The following EFCAB5 variants were observed in gnomAD, a reference collection of about 807,000 sequenced individuals.
EFCAB5 encodes EF-hand calcium-binding domain-containing protein 5.
EFCAB5 carries 131 observed loss-of-function variants against 167.9 expected under a neutral mutation model. The ratio of observed to expected loss-of-function variants is 0.78; its 90% CI spans 0.68 to 0.90. EFCAB5 has a LOEUF of 0.90. Among genes scored for constraint, EFCAB5 ranks in the 40% least tolerant of loss-of-function variants. EFCAB5 has a pLI of 0.00. For synonymous variants in EFCAB5, 574 were observed against 602.8 expected (o/e 0.95, Z 0.70); for missense variants, 1,663 against 1,745.2 (o/e 0.95, Z 0.84).
At chr17:30,057,384 C>T (rs1253114270) in intron 12 of EFCAB5, among the ~76,000 whole-genome samples, 3 of 152,334 alleles carry the variant, frequency 2.0e-5, no homozygotes, top group East Asian at 3.9e-4. Flanking sequence ...GAGGCTAACT[C>T]TCATTGGCCT....
intron 3 of EFCAB5, among the ~76,000 whole-genome samples, chr17:29,965,081 A>G (rs1281240264): frequency 6.7e-6 from 1 of 149,232 alleles, no homozygotes; most frequent in Non-Finnish European, 1.5e-5. Context: ...TTTTTTTTTT[A>G]ATTTACAGAG....
intron 7 of EFCAB5, among the ~76,000 whole-genome samples, chr17:30,030,335 T>TTGTC (rs932375132): frequency 6.6e-6 from 1 of 152,014 alleles, no homozygotes; most frequent in Non-Finnish European, 1.5e-5. Context: ...AGAAAAAGGT[T>TTGTC]TGTTTGTTTG....
At chr17:30,080,294 T>G (rs1431874191) in intron 16 of EFCAB5, 53 bp downstream of exon 16, 1 of 1,478,500 alleles carries the variant, frequency 6.8e-7, no homozygotes, top group African/African-American at 1.4e-5. Flanking sequence ...ATAATTCCCT[T>G]TCTGAGTAAA....
At chr17:30,005,720 C>T (rs1453483434) in intron 7 of EFCAB5, among the ~76,000 whole-genome samples, 1 of 152,126 alleles carries the variant, frequency 6.6e-6, no homozygotes, top group Non-Finnish European at 1.5e-5. Flanking sequence ...GGAGTTTAGG[C>T]ACAGTAAGTG....
intron 6 of EFCAB5, among the ~76,000 whole-genome samples, chr17:29,998,165 G>A (rs575093088): frequency 6.6e-6 from 1 of 152,194 alleles, no homozygotes; most frequent in South Asian, 2.1e-4. Flanking sequence ...ATAACCTTTT[G>A]TCCTTCTACC....
At chr17:29,999,511 TATTTA>T (rs984401957) in intron 6 of EFCAB5, among the ~76,000 whole-genome samples, 9 of 152,262 alleles carry the variant, frequency 5.9e-5, no homozygotes, top group African/African-American at 2.2e-4. Context: ...TTTTATGCAT[TATTTA>T]ATTTAAGAAA....
chr17:30,010,053 G>A (rs1337635706), intron 7 of EFCAB5, among the ~76,000 whole-genome samples: 14 of 152,084 alleles, frequency 9.2e-5, no homozygotes, highest in African/African-American at 1.9e-4. Context: ...GAGAACATGC[G>A]GTGTTTGGTT....
chr17:29,986,962 G>C (rs536693203), intron 4 of EFCAB5, among the ~76,000 whole-genome samples: 4 of 152,040 alleles, frequency 2.6e-5, no homozygotes, highest in African/African-American at 9.7e-5. Context: ...TATTCATTTT[G>C]ATAAATACTG....
chr17:30,012,775 C>T (rs1203093297), intron 7 of EFCAB5, among the ~76,000 whole-genome samples: 3 of 152,154 alleles, frequency 2.0e-5, no homozygotes, highest in Non-Finnish European at 4.4e-5. Context: ...TGGGACTGGT[C>T]CCTACAGAAT....
Position 30,056,653 on chromosome 17 carries a change from T to C in EFCAB5, c.2365+497T>C, listed in dbSNP as rs1355468581. ...CAGACAAAGCATGTCTTTAAAATGA[T>C]TGTTCCAAAAGCACTCATATTTCAC... On this transcript the variant is annotated intron_variant, in intron 12 of 22. Transcript: ENST00000394835. Among the ~76,000 whole-genome samples, 7 of 152,216 alleles carry C rather than the reference T, an allele frequency of 4.6e-5. No individual in the cohort carries two copies. The East Asian group carries it at 1.3e-3, about 29-fold the overall frequency.
chr17:30,059,831 G>C (rs1396451589), intron 14 of EFCAB5, 130 bp downstream of exon 14: 1 of 607,474 alleles, frequency 1.6e-6, no homozygotes, highest in Non-Finnish European at 2.5e-6. Flanking sequence ...TACCAGTATA[G>C]ATATACATTT....
intron 7 of EFCAB5, among the ~76,000 whole-genome samples, chr17:30,032,693 A>C (rs2069509408): frequency 6.6e-6 from 1 of 152,214 alleles, no homozygotes; most frequent in African/African-American, 2.4e-5. Context: ...TCAATATATT[A>C]ATAAAAGCAT....
chr17:29,946,906 A>T (rs1286479248), intron 3 of EFCAB5, among the ~76,000 whole-genome samples: 1 of 152,120 alleles, frequency 6.6e-6, no homozygotes, highest in African/African-American at 2.4e-5. Flanking sequence ...AACCAACCTA[A>T]GTGCCCACCA....
chr17:30,057,458 T>C (rs2070303005), intron 12 of EFCAB5, among the ~76,000 whole-genome samples: 1 of 152,170 alleles, frequency 6.6e-6, no homozygotes, highest in African/African-American at 2.4e-5. Flanking sequence ...TGACCATCCA[T>C]GGCACAAAAG....
At chr17:30,094,917 T>C (rs1350378626) in intron 22 of EFCAB5, among the ~76,000 whole-genome samples, 1 of 152,158 alleles carries the variant, frequency 6.6e-6, no homozygotes, top group African/African-American at 2.4e-5. Flanking sequence ...CAGTAGTACA[T>C]CAATAGCCTA....
intron 7 of EFCAB5, among the ~76,000 whole-genome samples, chr17:30,030,025 A>G (rs925838323): frequency 8.5e-5 from 13 of 152,214 alleles, no homozygotes; most frequent in African/African-American, 2.9e-4. Flanking sequence ...ATATTAACTG[A>G]AAGGTATTGG....
chr17:30,067,734 G>C (rs1210745060), intron 14 of EFCAB5, among the ~76,000 whole-genome samples: 1 of 152,052 alleles, frequency 6.6e-6, no homozygotes, highest in Non-Finnish European at 1.5e-5. Context: ...ATACTAAATG[G>C]GCAAAAGTTG....
intron 1 of EFCAB5, among the ~76,000 whole-genome samples, chr17:29,932,402 C>T (rs1218274024): frequency 2.7e-5 from 4 of 147,574 alleles, no homozygotes; most frequent in East Asian, 2.0e-4. Context: ...CTGCCCACCT[C>T]GGCCTCCCAA....
chr17:29,936,128 A>T (rs921011497), intron 1 of EFCAB5, among the ~76,000 whole-genome samples: 2 of 152,186 alleles, frequency 1.3e-5, no homozygotes, highest in Non-Finnish European at 2.9e-5. Flanking sequence ...ATGCAGCCAT[A>T]AAAAAGGATG....
Sources: allele counts gnomAD v4.1 joint callset (sites outside exome capture counted in the v4.1 genomes callset), GRCh38; gene constraint gnomAD v4.1.1; transcripts MANE v1.5; gene names NCBI Gene and HGNC (gene_info 2026-07-23, HGNC 2026-07-21).